Variants in PDE8A observed in about 807,000 individuals in gnomAD.
PDE8A encodes phosphodiesterase 8A.
A neutral mutation model predicts 105.0 loss-of-function variants in PDE8A; 59 were observed. The observed-to-expected ratio is 0.56, with a 90% confidence interval of 0.46 to 0.70. The LOEUF is 0.70. Ranked by LOEUF, PDE8A falls within the 30% of genes least tolerant of loss-of-function variation. The probability of loss-of-function intolerance (pLI) is 0.00; values close to 1 mark genes in which losing one functional copy is unlikely to be tolerated. For missense variants in PDE8A, 1,014 were observed against 1,045.9 expected, an observed-to-expected ratio of 0.97 and a Z score of 0.42; for synonymous variants, 355 against 371.9, an observed-to-expected ratio of 0.95 and a Z score of 0.52.
At chr15:85,125,164 G>A (rs550635356) in intron 19 of PDE8A, among the ~76,000 whole-genome samples, 1 of 152,146 alleles carries the variant, frequency 6.6e-6, no homozygotes, top group Non-Finnish European at 1.5e-5. Flanking sequence ...CACTCTCCAG[G>A]AAGTGTGGGA....
chr15:85,021,458 A>T (rs544252122), intron 1 of PDE8A, among the ~76,000 whole-genome samples: 2 of 152,038 alleles, frequency 1.3e-5, no homozygotes, highest in South Asian at 4.2e-4. Context: ...GTGGTAGTGC[A>T]GAGGTGGGAG....
chr15:85,004,632 A>G (rs961166889), intron 1 of PDE8A, among the ~76,000 whole-genome samples: 6 of 152,218 alleles, frequency 3.9e-5, no homozygotes, highest in Non-Finnish European at 7.3e-5. Context: ...AACCACAAGC[A>G]TCCTGGCTGA....
At chr15:85,065,623 ATGTATGGTCTTTG>A (rs2081212171) in intron 2 of PDE8A, among the ~76,000 whole-genome samples, 1 of 152,212 alleles carries the variant, frequency 6.6e-6, no homozygotes, top group African/African-American at 2.4e-5. Flanking sequence ...AGTTCTTTGC[ATGTATGGTCTTTG>A]TGTAGTTGAG....
chr15:85,104,832 A>G (rs1344939909), intron 11 of PDE8A, among the ~76,000 whole-genome samples: 3 of 152,172 alleles, frequency 2.0e-5, no homozygotes, highest in African/African-American at 7.2e-5. Flanking sequence ...CTGAGTACCA[A>G]GAAAGGAGTC....
At chr15:85,048,644 TTTGCTCA>T (rs2080923586) in intron 1 of PDE8A, among the ~76,000 whole-genome samples, 1 of 152,226 alleles carries the variant, frequency 6.6e-6, no homozygotes, top group Non-Finnish European at 1.5e-5. Flanking sequence ...GTCTCATTCA[TTTGCTCA>T]TTGCTTTAAA....
intron 8 of PDE8A, among the ~76,000 whole-genome samples, chr15:85,096,362 G>A (rs1258203417): frequency 6.6e-6 from 1 of 152,122 alleles, no homozygotes. Flanking sequence ...GGGAGGCTGA[G>A]GTAGGAGGAT....
intron 1 of PDE8A, among the ~76,000 whole-genome samples, chr15:85,030,694 A>C (rs1217468657): frequency 8.0e-6 from 1 of 125,560 alleles, no homozygotes; most frequent in Non-Finnish European, 1.7e-5. Flanking sequence ...GTGGCTTCAC[A>C]CTTCCATGCC....
intron 1 of PDE8A, among the ~76,000 whole-genome samples, chr15:84,983,606 AC>A (rs1342392672): frequency 6.6e-6 from 1 of 152,176 alleles, no homozygotes; most frequent in East Asian, 1.9e-4. Flanking sequence ...CTTTAAAGAA[AC>A]CTCTGATGGT....
intron 2 of PDE8A, among the ~76,000 whole-genome samples, chr15:85,066,605 C>CACACACACAT (rs2081231388): frequency 1.5e-5 from 1 of 67,010 alleles, no homozygotes; most frequent in African/African-American, 1.0e-4. Context: ...CACACACACA[C>CACACACACAT]ACACACACAC....
intron 1 of PDE8A, among the ~76,000 whole-genome samples, chr15:85,017,980 A>G (rs755190458): frequency 1.3e-5 from 2 of 150,834 alleles, no homozygotes; most frequent in African/African-American, 2.4e-5. Flanking sequence ...TATGCCCAGG[A>G]TGGTGGTGGT....
At chr15:85,091,872 C>A (rs2081648440) in intron 8 of PDE8A, among the ~76,000 whole-genome samples, 1 of 143,570 alleles carries the variant, frequency 7.0e-6, no homozygotes, top group Non-Finnish European at 1.5e-5. Context: ...TACTGCTTTT[C>A]ACAATCATTC....
rs1417663424 is a variant in PDE8A at position 85,100,182 on chromosome 15, G to A, written c.1020G>A (p.Gln340=). ...NKAEKISECV[Q]SDTHTDNQTG... is the part of the protein sequence containing the mutation. ...CTGAGAAAATATCCGAATGTGTTCA[G>A]TCTGACACTCATACAGGTACGGTGC... Residue 340 remains glutamine (Q), a synonymous_variant, in exon 11 of 22, where the codon CAG becomes CAA. Coordinates refer to ENST00000394553, the MANE Select transcript of PDE8A (RefSeq NM_002605.3). The A allele has an allele frequency of 1.4e-5, 23 of 1,613,720 alleles. No individual in the cohort carries two copies. Among genetic ancestry groups the A allele is most frequent in the Non-Finnish European group, 1.9e-5 (22 of 1,179,572 alleles).
intron 1 of PDE8A, among the ~76,000 whole-genome samples, chr15:85,028,897 A>G (rs886098510): frequency 1.3e-5 from 2 of 152,132 alleles, no homozygotes; most frequent in Admixed American, 6.6e-5. Flanking sequence ...TGCATGCAGC[A>G]TATTTCATTG....
At chr15:85,133,157 T>G (rs2082352980) in intron 20 of PDE8A, among the ~76,000 whole-genome samples, 1 of 152,230 alleles carries the variant, frequency 6.6e-6, no homozygotes, top group African/African-American at 2.4e-5. Flanking sequence ...TTAATTCCCC[T>G]ATATACACAG....
At chr15:85,066,583 AACACACACACACAC>A (rs57124766) in intron 2 of PDE8A, among the ~76,000 whole-genome samples, 6,256 of 116,940 alleles carry the variant, frequency 0.053, 268 homozygotes, top group Middle Eastern at 0.088. Flanking sequence ...ATCCCCCCAA[AACACACACACACAC>A]ACACACACAC....
intron 1 of PDE8A, among the ~76,000 whole-genome samples, chr15:85,018,059 C>T (rs191058676): frequency 1.6e-4 from 25 of 152,108 alleles, no homozygotes; most frequent in Admixed American, 1.4e-3. Context: ...GTTTGATGAG[C>T]GTTTCAAAAC....
chr15:85,027,791 A>AG (rs1472571670), intron 1 of PDE8A, among the ~76,000 whole-genome samples: 1 of 152,220 alleles, frequency 6.6e-6, no homozygotes, highest in African/African-American at 2.4e-5. Flanking sequence ...TACCACGTAG[A>AG]GGAGGGTATT....
intron 1 of PDE8A, among the ~76,000 whole-genome samples, chr15:85,038,113 ACTTT>A (rs2080737768): frequency 2.0e-5 from 3 of 152,242 alleles, no homozygotes; most frequent in Non-Finnish European, 4.4e-5. Flanking sequence ...TGATGAGCTC[ACTTT>A]CTTTTGCTAG....
intron 1 of PDE8A, among the ~76,000 whole-genome samples, chr15:85,033,570 A>G (rs1047076900): frequency 1.3e-5 from 2 of 152,130 alleles, no homozygotes; most frequent in African/African-American, 4.8e-5. Flanking sequence ...TGAATCTTCA[A>G]ATAGCTGGTC....
Sources: allele counts gnomAD v4.1 joint callset (sites outside exome capture counted in the v4.1 genomes callset), GRCh38; gene constraint gnomAD v4.1.1; transcripts MANE v1.5; gene names NCBI Gene and HGNC (gene_info 2026-07-23, HGNC 2026-07-21).